The following CERCAM variants were observed in gnomAD, a reference collection of about 807,000 sequenced individuals.
CERCAM encodes cerebral endothelial cell adhesion molecule.
A neutral mutation model predicts 66.0 loss-of-function variants in CERCAM; 59 were observed. The observed-to-expected ratio is 0.89, with a 90% CI of 0.73 to 1.11. The LOEUF (loss-of-function observed/expected upper bound fraction) is 1.11. CERCAM is among the 50% of genes most tolerant of loss of function. The pLI, the probability that CERCAM is intolerant of heterozygous loss-of-function variation, is 0.00. For synonymous variants in CERCAM, 318 were observed against 343.6 expected (o/e 0.93, Z 0.83); for missense variants, 840 against 828.3 (o/e 1.01, Z -0.17).
intron 8 of CERCAM, chr9:128,430,960 G>A (rs1315264858): frequency 3.7e-6 from 2 of 536,214 alleles, no homozygotes; most frequent in Non-Finnish European, 6.5e-6. Flanking sequence ...AGTGAGCTGA[G>A]ATGGTGCCAC....
intron 7 of CERCAM, 36 bp downstream of exon 7, chr9:128,428,869 G>C: frequency 3.7e-6 from 6 of 1,611,446 alleles, no homozygotes; most frequent in Non-Finnish European, 4.2e-6. Flanking sequence ...CTGTTAGGAG[G>C]TGGATGGGCC....
chr9:128,429,606 A>AT (rs57202209), intron 8 of CERCAM, among the ~76,000 whole-genome samples: 19 of 147,548 alleles, frequency 1.3e-4, no homozygotes, highest in South Asian at 2.1e-4. Flanking sequence ...AGCTCTTTTT[A>AT]TTTTTTTTTT....
rs1180863974 is a variant in CERCAM at position 128,434,269 on chromosome 9, G to A, written c.1331+40G>A. The A allele has an allele frequency of 1.2e-6, 2 of 1,610,710 alleles. No homozygotes were observed. The highest frequency in any genetic ancestry group is 8.5e-7 in the Non-Finnish European group (1 of 1,178,010). ...CCCTCAGGGACAAGGGGGCAGGGTG[G>A]GCCTCCGGAGTCTGCCTTTTCCTGC... On this transcript the variant is annotated intron_variant, in intron 10 of 12. Coordinates refer to ENST00000372838, the MANE Select transcript of CERCAM (RefSeq NM_016174.5). The surrounding 1 kb of genome is among the most constrained non-coding windows in gnomAD (Gnocchi z 4.5).
upstream of CERCAM, chr9:128,420,699 C>G: frequency 4.0e-6 from 1 of 247,940 alleles, no homozygotes; most frequent in Non-Finnish European, 7.6e-6. This position sits in a 1 kb window ranked among gnomAD's most constrained non-coding sequence, Gnocchi z 5.0. Flanking sequence ...GTGCCCCGGG[C>G]CAAGGAGAGA....
In CERCAM at chr9:128,424,593, G is replaced by A. The variant is rs374800255; in HGVS notation, c.745G>A (p.Ala249Thr). 1.2e-5 allele frequency: 20 copies of A among 1,614,010 alleles called. No individual in the cohort carries two copies. In the East Asian group the frequency reaches 2.2e-4, roughly 18 times the overall value. ...TWPFDDIIVF[A>T]YACQAAGVSV... The stretch of plus-strand genomic sequence containing the variant: ...GCCTTTCGACGACATCATCGTCTTC[G>A]CCTATGCCTGCCAGGCTGCTGGTGA... Residue 249 changes from alanine (A) to threonine (T), a missense_variant, in exon 5 of 13, where the codon GCC becomes ACC. Physicochemically the swap from Ala to Thr is moderately conservative, Grantham distance 58. Coordinates refer to ENST00000372838, the MANE Select transcript of CERCAM (RefSeq NM_016174.5).
chr9:128,428,665 G>A, intron 6 of CERCAM, 92 bp from the exon 7 acceptor site: 2 of 1,411,240 alleles, frequency 1.4e-6, no homozygotes, highest in Non-Finnish European at 2.0e-6. Flanking sequence ...TCTGCCAAAG[G>A]GGGCAGGAAT....
At chr9:128,436,338 C>T (rs776080046) in intron 12 of CERCAM, among the ~76,000 whole-genome samples, 54 of 152,252 alleles carry the variant, frequency 3.5e-4, no homozygotes, top group Non-Finnish European at 5.6e-4. Flanking sequence ...CCTCCCGCGT[C>T]CCGGATTCAA....
chr9:128,421,054 C>G lies in CERCAM; in HGVS notation c.177C>G (p.Pro59=), dbSNP rs567672078. 85 of 1,362,486 alleles carry G rather than the reference C, an allele frequency of 6.2e-5. No individual in the cohort carries two copies. In the South Asian group the frequency reaches 1.1e-3, roughly 18 times the overall value. The allele number at this position is 1,362,486 out of a possible 1,614,324, so 84.4% of individuals were successfully genotyped here. A position where few individuals can be genotyped will look rare whatever the true frequency, so the allele number is the denominator to read the frequency against. Residue 59 remains proline, a synonymous_variant, in exon 1 of 13, where the codon CCC becomes CCG. Transcript: ENST00000372838. ...YLGALERLDY[P]RARMALWCAT... The stretch of plus-strand genomic sequence containing the variant: ...GCGCTCTGGAGCGGCTGGACTACCC[C>G]CGGGCCAGGATGGCCCTCTGGTGAG...
At chr9:128,435,032 G>T (rs1178344738) in intron 11 of CERCAM, among the ~76,000 whole-genome samples, 1 of 150,416 alleles carries the variant, frequency 6.6e-6, no homozygotes, top group Non-Finnish European at 1.5e-5. Context: ...GTTTTGCACT[G>T]TCACCCAGTG....
rs537410450 is a variant in CERCAM, at chr9:128,421,159, C to G, written c.197+85C>G. On this transcript the variant is annotated intron_variant, in intron 1 of 12. Coordinates refer to ENST00000372838, the MANE Select transcript of CERCAM (RefSeq NM_016174.5). ...CCCGCCCCCGGCGGCCCTGTCTGCT[C>G]GCTCCCTGCCCAGACACCACCTAGA... 36 of 1,257,612 alleles carry G rather than the reference C, an allele frequency of 2.9e-5. No individual in the cohort carries two copies. The East Asian group carries it at 9.8e-4, about 34-fold the overall frequency. 77.9% of individuals were successfully genotyped at this position (1,257,612 alleles called of 1,614,324 possible).
chr9:128,433,178 C>T (rs567591007), intron 9 of CERCAM, among the ~76,000 whole-genome samples: 1 of 150,708 alleles, frequency 6.6e-6, no homozygotes, highest in East Asian at 2.0e-4. Context: ...ACTCGGGAGG[C>T]TGAGGCAGGA....
chr9:128,434,475 TG>T lies in CERCAM; in HGVS notation c.1399del (p.Val467TrpfsTer113), dbSNP rs1256216642. 1 of 1,613,898 alleles carries T rather than the reference TG, an allele frequency of 6.2e-7. No individual in the cohort carries two copies. Among genetic ancestry groups the T allele is most frequent in the South Asian group, 1.1e-5 (1 of 91,086 alleles). On this transcript the variant is annotated frameshift_variant, in exon 11 of 13. Transcript: ENST00000372838. LOFTEE classifies it high-confidence loss of function. This position sits in a 1 kb window ranked among gnomAD's most constrained non-coding sequence, Gnocchi z 4.5. ...GCCGTGGAGGGGCTGCCGGGCCTGG[TG>T]GTGGCTGGGTACTCCTACTGGACGC... The part of the protein sequence containing the change: ...ETAVEGLPGL[V>X]VAGYSYWTLA...
At chr9:128,433,952 C>T in intron 9 of CERCAM, 150 bp from the exon 10 acceptor site, 1 of 932,542 alleles carries the variant, frequency 1.1e-6, no homozygotes, top group Non-Finnish European at 1.6e-6. Context: ...GATTTCCGGT[C>T]CCAGGCAGTG....
intron 1 of CERCAM, chr9:128,421,981 C>G (rs1179031426): frequency 6.6e-6 from 1 of 152,352 alleles, no homozygotes; most frequent in Non-Finnish European, 1.5e-5. Flanking sequence ...AAACCCCCAC[C>G]TCTGTTATGG....
chr9:128,434,313 C>T lies in CERCAM; in HGVS notation c.1331+84C>T. ...TTCCTGCTTGGGACCCTGGCCGGCC[C>T]ATCCCCTGAGAGCCTGGCCCTGTAG... is the stretch of plus-strand genomic sequence containing the variant. On this transcript the variant is annotated intron_variant, in intron 10 of 12. Transcript: ENST00000372838. This position sits in a 1 kb window ranked among gnomAD's most constrained non-coding sequence, Gnocchi z 4.5. The T allele has an allele frequency of 6.2e-7, 1 of 1,602,684 alleles. No homozygotes were observed. Among genetic ancestry groups the T allele is most frequent in the Non-Finnish European group, 8.5e-7 (1 of 1,172,850 alleles).
intron 8 of CERCAM, among the ~76,000 whole-genome samples, chr9:128,430,170 G>C (rs543080249): frequency 6.6e-6 from 1 of 152,262 alleles, no homozygotes; most frequent in South Asian, 2.1e-4. Flanking sequence ...GGAGGTTATG[G>C]ATGGATCACC....
At chr9:128,430,121 C>T (rs1055892865) in intron 8 of CERCAM, among the ~76,000 whole-genome samples, 1 of 152,124 alleles carries the variant, frequency 6.6e-6, no homozygotes, top group African/African-American at 2.4e-5. Flanking sequence ...AAATTTTTGA[C>T]TGGGCACGGT....
At chr9:128,423,976 C>A in intron 3 of CERCAM, 162 bp from the exon 4 acceptor site, 2 of 756,182 alleles carry the variant, frequency 2.6e-6, no homozygotes, top group Non-Finnish European at 4.3e-6. Flanking sequence ...CAGACTAGAG[C>A]CTTGGTCCAG....
At chr9:128,428,508 C>T (rs1053383174) in intron 6 of CERCAM, 87 bp downstream of exon 6, 153 of 1,501,566 alleles carry the variant, frequency 1.0e-4, no homozygotes, top group African/African-American at 8.6e-4. Flanking sequence ...CTGGACGGAG[C>T]GGGCATTGGC....
Sources: gnomAD v4.1 joint callset for allele counts (sites outside exome capture counted in the v4.1 genomes callset) on GRCh38, gnomAD v4.1.1 for gene constraint, Gnocchi (gnomAD v3.1) non-coding constraint, MANE v1.5 for transcripts, NCBI Gene and HGNC (gene_info 2026-07-23, HGNC 2026-07-21) for gene names.